The following OPCML variants were observed in gnomAD, a reference collection of about 807,000 sequenced individuals.
OPCML encodes the protein opioid-binding protein/cell adhesion molecule.
A neutral mutation model predicts 37.8 loss-of-function variants in OPCML; 13 were observed. That is an observed-to-expected ratio of 0.34 (90% CI 0.22 to 0.55). The LOEUF is 0.55. Ranked by LOEUF, OPCML falls within the 20% of genes least tolerant of loss-of-function variation. OPCML has a pLI of 0.91. For synonymous variants in OPCML, 176 were observed against 168.8 expected, an observed-to-expected ratio of 1.04 and a Z score of -0.33; for missense variants, 341 against 435.6, an observed-to-expected ratio of 0.78 and a Z score of 1.93.
Position 132,757,535 on chromosome 11 carries a change from G to A in OPCML, c.147-100216C>T, listed in dbSNP as rs562378632. ...GTATCTCATTGTGGTTTTGATTTGC[G>A]TTTCTCTAATGACCAGTGATGATGA... On this transcript the variant is annotated intron_variant, in intron 2 of 7. Coordinates refer to ENST00000524381, the MANE Select transcript of OPCML (RefSeq NM_001012393.5). Among the ~76,000 whole-genome samples the A allele has an allele frequency of 3.2e-3, 480 of 152,090 alleles. 5 individuals are homozygous for A. Among genetic ancestry groups the A allele is most frequent in the African/African-American group, 0.01 (418 of 41,506 alleles).
chr11:133,255,573 G>C (rs1324854648), intron 1 of OPCML, among the ~76,000 whole-genome samples: 1 of 152,138 alleles, frequency 6.6e-6, no homozygotes, highest in Admixed American at 6.5e-5. Context: ...TTGCAAAGAA[G>C]AGGCCACACA....
At chr11:132,665,148 T>C (rs1233359251) in intron 2 of OPCML, among the ~76,000 whole-genome samples, 1 of 152,084 alleles carries the variant, frequency 6.6e-6, no homozygotes, top group African/African-American at 2.4e-5. Context: ...GAAAACACAC[T>C]AATGCCTTCA....
intron 2 of OPCML, among the ~76,000 whole-genome samples, chr11:132,795,749 C>T (rs1938269491): frequency 6.6e-6 from 1 of 152,198 alleles, no homozygotes; most frequent in Non-Finnish European, 1.5e-5. Flanking sequence ...ACTTCATGAG[C>T]TAGGTGCTAT....
chr11:132,911,190 G>A (rs73602845), intron 2 of OPCML, among the ~76,000 whole-genome samples: 2,655 of 152,222 alleles, frequency 0.017, 70 homozygotes, highest in African/African-American at 0.061. Context: ...CTCAACCACC[G>A]CCATCAATAA....
chr11:132,858,542 A>C (rs1239321652), intron 2 of OPCML, among the ~76,000 whole-genome samples: 1 of 152,170 alleles, frequency 6.6e-6, no homozygotes, highest in East Asian at 1.9e-4. Context: ...AGGACTTGTG[A>C]GGCTCCACCC....
At chr11:132,451,338 A>G (rs1046617253) in intron 4 of OPCML, among the ~76,000 whole-genome samples, 4 of 143,946 alleles carry the variant, frequency 2.8e-5, no homozygotes, top group African/African-American at 1.0e-4. Context: ...TAGCAAGGAC[A>G]CTGACGAGAT....
intron 1 of OPCML, among the ~76,000 whole-genome samples, chr11:133,095,149 C>T (rs1948979456): frequency 6.6e-6 from 1 of 151,878 alleles, no homozygotes; most frequent in Non-Finnish European, 1.5e-5. Context: ...CAGACAGTAT[C>T]TCATTGGATC....
intron 1 of OPCML, among the ~76,000 whole-genome samples, chr11:133,436,149 A>G (rs1946228617): frequency 6.6e-6 from 1 of 152,200 alleles, no homozygotes; most frequent in African/African-American, 2.4e-5. Flanking sequence ...TTAAAAAAAA[A>G]TGCTAACATA....
At chr11:132,533,395 A>C (rs1013293426) in intron 3 of OPCML, among the ~76,000 whole-genome samples, 2 of 152,228 alleles carry the variant, frequency 1.3e-5, no homozygotes, top group African/African-American at 4.8e-5. Context: ...ATACATTGAC[A>C]GAGGTTGGGT....
intron 3 of OPCML, among the ~76,000 whole-genome samples, chr11:132,573,789 G>T (rs757141486): frequency 7.2e-5 from 11 of 152,052 alleles, no homozygotes; most frequent in East Asian, 1.9e-4. Flanking sequence ...TTTTTTAGAA[G>T]AGTTTGAGAA....
intron 1 of OPCML, among the ~76,000 whole-genome samples, chr11:133,041,488 A>G (rs1947896706): frequency 6.6e-5 from 10 of 152,178 alleles, no homozygotes; most frequent in Admixed American, 5.2e-4. Context: ...GCCTGGAAGC[A>G]CTTTCATCTA....
chr11:132,614,618 T>C (rs186704363), intron 3 of OPCML, among the ~76,000 whole-genome samples: 2 of 152,318 alleles, frequency 1.3e-5, no homozygotes, highest in East Asian at 1.9e-4. Context: ...CTTGAAAACA[T>C]AGGGGAATGC....
chr11:132,836,910 C>A (rs1287889000), intron 2 of OPCML, among the ~76,000 whole-genome samples: 6 of 152,050 alleles, frequency 3.9e-5, no homozygotes, highest in African/African-American at 1.4e-4. Flanking sequence ...CATTTGATAA[C>A]CAGTGATCCT....
chr11:133,053,188 AT>A (rs1948163252), intron 1 of OPCML, among the ~76,000 whole-genome samples: 1 of 152,212 alleles, frequency 6.6e-6, no homozygotes, highest in Non-Finnish European at 1.5e-5. Flanking sequence ...TACACTGGTG[AT>A]AATGTCAGAG....
At chr11:132,866,129 T>A (rs532863189) in intron 2 of OPCML, among the ~76,000 whole-genome samples, 2 of 152,134 alleles carry the variant, frequency 1.3e-5, no homozygotes, top group Non-Finnish European at 2.9e-5. Context: ...TCCACTTTAA[T>A]GCGATCTCAA....
chr11:133,256,547 T>C (rs1247080848), intron 1 of OPCML, among the ~76,000 whole-genome samples: 2 of 152,208 alleles, frequency 1.3e-5, no homozygotes, highest in African/African-American at 2.4e-5. Context: ...TAACCTTTAT[T>C]GTGTACTATA....
At chr11:133,449,786 G>A (rs1056862579) in intron 1 of OPCML, among the ~76,000 whole-genome samples, 11 of 151,546 alleles carry the variant, frequency 7.3e-5, no homozygotes, top group Non-Finnish European at 1.0e-4. Flanking sequence ...GTGCAGAGTC[G>A]CTATTTCTAA....
intron 1 of OPCML, among the ~76,000 whole-genome samples, chr11:133,339,864 C>T (rs915005568): frequency 6.6e-6 from 1 of 152,126 alleles, no homozygotes; most frequent in Non-Finnish European, 1.5e-5. Context: ...ATAACAAAAG[C>T]CCAATTGAAT....
intron 1 of OPCML, among the ~76,000 whole-genome samples, chr11:133,400,790 G>A (rs1945386862): frequency 6.6e-6 from 1 of 152,156 alleles, no homozygotes; most frequent in Non-Finnish European, 1.5e-5. Flanking sequence ...CCTAGCTCAG[G>A]GTACCTGGTT....
Sources: allele counts gnomAD v4.1 joint callset (sites outside exome capture counted in the v4.1 genomes callset), GRCh38; gene constraint gnomAD v4.1.1; transcripts MANE v1.5; gene names NCBI Gene and HGNC (gene_info 2026-07-23, HGNC 2026-07-21).